The following NCOR1 variants were observed in gnomAD, a reference collection of about 807,000 sequenced individuals.
The protein encoded by NCOR1 is protein phosphatase 1, regulatory subunit 109.
NCOR1 carries 63 observed loss-of-function variants against 288.1 expected under a neutral mutation model. The ratio of observed to expected loss-of-function variants is 0.22; its 90% CI spans 0.18 to 0.27. The LOEUF (loss-of-function observed/expected upper bound fraction) is 0.27. NCOR1 is among the 10% of genes least tolerant of loss of function. NCOR1 has a pLI of 1.00. For missense variants in NCOR1, 2,397 were observed against 3,019.2 expected (o/e 0.79, Z 4.83); for synonymous variants, 1,007 against 1,065.9 (o/e 0.94, Z 1.08).
At chr17:16,109,037 A>G (rs1335734241) in intron 18 of NCOR1, 125 bp from the exon 19 acceptor site, 1 of 777,710 alleles carries the variant, frequency 1.3e-6, no homozygotes, top group African/African-American at 1.8e-5. Flanking sequence ...ATGTTTGACA[A>G]TAGTTCTGGT....
At chr17:16,074,279 G>A (rs950649234) in intron 27 of NCOR1, among the ~76,000 whole-genome samples, 1 of 152,204 alleles carries the variant, frequency 6.6e-6, no homozygotes, top group Non-Finnish European at 1.5e-5. Context: ...ATCAGTCAAG[G>A]AGTGACGTGG....
At chr17:16,057,359 G>T (rs2060053793) in intron 40 of NCOR1, 155 bp downstream of exon 40, 1 of 690,086 alleles carries the variant, frequency 1.4e-6, no homozygotes, top group South Asian at 1.9e-5. Flanking sequence ...GACATTCTAA[G>T]AATAATATGC....
At chr17:16,104,725 TC>T (rs1372666456) in intron 19 of NCOR1, among the ~76,000 whole-genome samples, 1 of 152,182 alleles carries the variant, frequency 6.6e-6, no homozygotes, top group Non-Finnish European at 1.5e-5. Context: ...TGAGCTGTGT[TC>T]ACGCTGGTAC....
At chr17:16,139,215 T>C in intron 11 of NCOR1, 29 bp from the exon 12 acceptor site, 1 of 1,590,280 alleles carries the variant, frequency 6.3e-7, no homozygotes, top group Non-Finnish European at 8.6e-7. Context: ...TTACTTAGAA[T>C]AAAACATAAA....
chr17:16,106,081 C>A (rs1262803096), intron 19 of NCOR1, among the ~76,000 whole-genome samples: 2 of 152,052 alleles, frequency 1.3e-5, no homozygotes, highest in Non-Finnish European at 2.9e-5. Context: ...GCCTGGGCAA[C>A]AAGCGCGAGA....
At chr17:16,094,446 A>C (rs1394946640) in intron 21 of NCOR1, among the ~76,000 whole-genome samples, 2 of 152,216 alleles carry the variant, frequency 1.3e-5, no homozygotes, top group African/African-American at 4.8e-5. Flanking sequence ...AAGAGCTTTA[A>C]ATATTTGAAT....
chr17:16,099,149 C>T (rs948386292), intron 20 of NCOR1, among the ~76,000 whole-genome samples: 2 of 152,188 alleles, frequency 1.3e-5, no homozygotes, highest in African/African-American at 4.8e-5. Flanking sequence ...ATCCAGCAGC[C>T]GCCACCCCGC....
chr17:16,052,272 C>T (rs1445762769), intron 40 of NCOR1, among the ~76,000 whole-genome samples: 2 of 151,956 alleles, frequency 1.3e-5, no homozygotes, highest in African/African-American at 4.8e-5. Flanking sequence ...GATCTGCCTG[C>T]CTCGGCCTCC....
intron 40 of NCOR1, among the ~76,000 whole-genome samples, chr17:16,051,934 A>C (rs905943651): frequency 6.6e-6 from 1 of 151,914 alleles, no homozygotes; most frequent in Non-Finnish European, 1.5e-5. Flanking sequence ...AATAAATAAA[A>C]TAAACAAAAC....
intron 3 of NCOR1, among the ~76,000 whole-genome samples, chr17:16,182,273 G>A (rs1390561102): frequency 2.0e-5 from 3 of 152,202 alleles, no homozygotes; most frequent in African/African-American, 4.8e-5. Context: ...TAAAAGGTAT[G>A]TTTTCAGTAA....
intron 18 of NCOR1, among the ~76,000 whole-genome samples, chr17:16,113,279 A>G (rs2070741196): frequency 6.6e-6 from 1 of 151,950 alleles, no homozygotes; most frequent in Non-Finnish European, 1.5e-5. Flanking sequence ...TTACTAAAAC[A>G]GTGGCACAAC....
At chr17:16,087,958 T>G (rs537148461) in intron 22 of NCOR1, among the ~76,000 whole-genome samples, 2 of 152,316 alleles carry the variant, frequency 1.3e-5, no homozygotes, top group South Asian at 4.1e-4. Context: ...TGCAGTCATA[T>G]TTAAGACTTT....
Position 16,070,373 on chromosome 17 carries a change from A to C in NCOR1, c.4305T>G (p.Tyr1435Ter). ...ENIKVVERGKYEDVKAGETVR... is the reference protein window; with the variant it reads ...ENIKVVERGK ...CGGTCTCGCCTGCTTTCACATCCTC[A>C]TATTTTCCCCGTTCTACCACTTTTA... The change falls in exon 31 of 46, where the codon TAT becomes TAG. Residue 1435 changes from tyrosine (Y) to a stop codon, truncating the protein, a stop_gained. Coordinates refer to ENST00000268712, the MANE Select transcript of NCOR1 (RefSeq NM_006311.4). LOFTEE classifies it high-confidence loss of function. The C allele has an allele frequency of 6.2e-7, 1 of 1,614,084 alleles. No individual in the cohort carries two copies. Among genetic ancestry groups the C allele is most frequent in the Non-Finnish European group, 8.5e-7 (1 of 1,180,022 alleles).
chr17:16,150,947 T>C (rs998272029), intron 8 of NCOR1, among the ~76,000 whole-genome samples: 2 of 152,084 alleles, frequency 1.3e-5, no homozygotes, highest in East Asian at 1.9e-4. Context: ...ATTGTTTTCA[T>C]GCATACTACC....
At chr17:16,091,490 G>T in intron 22 of NCOR1, 1 of 868,250 alleles carries the variant, frequency 1.2e-6, no homozygotes, top group Non-Finnish European at 1.4e-6. Flanking sequence ...ATCTACCAGA[G>T]AATGTGAATA....
intron 32 of NCOR1, 50 bp downstream of exon 32, chr17:16,067,844 A>G (rs1373383382): frequency 6.6e-7 from 1 of 1,510,378 alleles, no homozygotes; most frequent in Non-Finnish European, 9.0e-7. Flanking sequence ...GAAAAGTCAT[A>G]CTGGTGGCAT....
At chr17:16,071,778 AC>A in intron 29 of NCOR1, 113 bp from the exon 30 acceptor site, 5 of 993,286 alleles carry the variant, frequency 5.0e-6, no homozygotes, top group Non-Finnish European at 7.3e-6. Flanking sequence ...ATATATTTTA[AC>A]ATAATTTAAA....
chr17:16,095,866 C>T (rs1045311213), intron 21 of NCOR1, among the ~76,000 whole-genome samples: 4 of 151,802 alleles, frequency 2.6e-5, no homozygotes, highest in African/African-American at 9.7e-5. Context: ...ATGACGATGG[C>T]GGTTTTGTGG....
In NCOR1 at chr17:16,108,852, C is replaced by T. The variant is rs2069357807; in HGVS notation, c.2116G>A (p.Val706Ile). Residue 706 changes from valine to isoleucine, a missense_variant, in exon 19 of 46, where the codon GTT becomes ATT. Coordinates refer to ENST00000268712, the MANE Select transcript of NCOR1 (RefSeq NM_006311.4). ...ATATCTTCATCCTCCTGAGCAGAAA[C>T]AGTGGAAGCGACACTTTCACATTGA... The part of the protein sequence containing the change: ...VSQCESVAST[V>I]SAQEDEDIEA... The T allele has an allele frequency of 1.2e-6, 2 of 1,607,210 alleles. No homozygotes were observed. The highest frequency in any genetic ancestry group is 4.5e-5 in the East Asian group (2 of 44,742).
Sources: allele counts gnomAD v4.1 joint callset (sites outside exome capture counted in the v4.1 genomes callset), GRCh38; gene constraint gnomAD v4.1.1; transcripts MANE v1.5; gene names NCBI Gene and HGNC (gene_info 2026-07-23, HGNC 2026-07-21).